MEF2A: variants seen among roughly 807,000 people sequenced by gnomAD.
MEF2A encodes myocyte-specific enhancer factor 2A.
MEF2A carries 28 observed loss-of-function variants against 55.8 expected under a neutral mutation model. The ratio of observed to expected loss-of-function variants is 0.50; its 90% CI spans 0.37 to 0.69. MEF2A has a LOEUF of 0.69. Among genes scored for constraint, MEF2A ranks in the 30% least tolerant of loss-of-function variants. MEF2A has a pLI of 0.00. For synonymous variants in MEF2A, 239 were observed against 227.1 expected (o/e 1.05, Z -0.47); for missense variants, 528 against 626.2 (o/e 0.84, Z 1.67).
intron 1 of MEF2A, among the ~76,000 whole-genome samples, chr15:99,590,321 C>T (rs772346405): frequency 6.7e-6 from 1 of 149,052 alleles, no homozygotes. Flanking sequence ...TATGATATAT[C>T]CTTTTCTATT....
In MEF2A at chr15:99,712,356, A is replaced by G; in HGVS notation, c.1137-34A>G. On this transcript the variant is annotated intron_variant, in intron 11 of 11. Transcript: ENST00000557942. This position sits in a 1 kb window ranked among gnomAD's most constrained non-coding sequence, Gnocchi z 4.1. The stretch of plus-strand genomic sequence containing the variant: ...ATCCCAGTTTTGCAGAGGTACTTGC[A>G]AGCCATCTGACCTCTCTCTTTTTTT... 1 of 1,492,998 alleles carries G rather than the reference A, an allele frequency of 6.7e-7. No individual in the cohort carries two copies. The highest frequency in any genetic ancestry group is 9.0e-7 in the Non-Finnish European group (1 of 1,115,322). 92.5% of individuals were successfully genotyped at this position (1,492,998 alleles called of 1,614,324 possible).
chr15:99,664,592 G>C (rs2049254536), intron 4 of MEF2A, among the ~76,000 whole-genome samples: 1 of 152,210 alleles, frequency 6.6e-6, no homozygotes, highest in Admixed American at 6.5e-5. Context: ...CTAGACATAA[G>C]ATAGTGCAGG....
At chr15:99,611,499 G>A (rs1054727101) in intron 2 of MEF2A, among the ~76,000 whole-genome samples, 2 of 152,116 alleles carry the variant, frequency 1.3e-5, no homozygotes, top group African/African-American at 4.8e-5. Flanking sequence ...CACCATGATG[G>A]CATAATAAAA....
chr15:99,665,843 T>G (rs1276744112), intron 4 of MEF2A, among the ~76,000 whole-genome samples: 5 of 145,098 alleles, frequency 3.4e-5, no homozygotes, highest in African/African-American at 2.5e-5. Flanking sequence ...AAAAAGCTCA[T>G]CATCACTGGT....
intron 4 of MEF2A, among the ~76,000 whole-genome samples, chr15:99,655,196 A>G (rs2153537247): frequency 6.6e-6 from 1 of 152,298 alleles, no homozygotes; most frequent in Admixed American, 6.5e-5. Flanking sequence ...CAGAATAGAG[A>G]GCTCAGAAAT....
At chr15:99,598,305 T>G (rs1457779257) in intron 1 of MEF2A, 125 bp from the exon 2 acceptor site, 1 of 152,230 alleles carries the variant, frequency 6.6e-6, no homozygotes, top group Non-Finnish European at 1.5e-5. Context: ...TAATTTTCAT[T>G]TAACAGTATT....
chr15:99,591,712 T>C (rs1255854672), intron 1 of MEF2A, among the ~76,000 whole-genome samples: 1 of 152,088 alleles, frequency 6.6e-6, no homozygotes, highest in African/African-American at 2.4e-5. Context: ...TTTTGCTCTT[T>C]TTGATGTTTT....
intron 7 of MEF2A, among the ~76,000 whole-genome samples, chr15:99,682,763 G>C (rs1416080651): frequency 6.6e-6 from 1 of 152,134 alleles, no homozygotes; most frequent in African/African-American, 2.4e-5. Context: ...TCTATCTAAA[G>C]CACCATAGAC....
chr15:99,572,251 C>T (rs149866025), intron 1 of MEF2A, among the ~76,000 whole-genome samples: 16 of 152,272 alleles, frequency 1.1e-4, no homozygotes, highest in African/African-American at 3.9e-4. Context: ...ACCCTCTGCA[C>T]CCTTTTTTCT....
At chr15:99,638,412 G>C (rs1452625497) in intron 3 of MEF2A, among the ~76,000 whole-genome samples, 1 of 151,576 alleles carries the variant, frequency 6.6e-6, no homozygotes, top group Non-Finnish European at 1.5e-5. Flanking sequence ...TCCTTCTCTG[G>C]GATTCTAGTT....
At chr15:99,678,737 C>T in intron 7 of MEF2A, 4 of 923,116 alleles carry the variant, frequency 4.3e-6, no homozygotes, top group Non-Finnish European at 5.2e-6. Flanking sequence ...AAATAAGAAA[C>T]CAAAGAAAGT....
At chr15:99,658,138 A>G (rs1450497537) in intron 4 of MEF2A, among the ~76,000 whole-genome samples, 1 of 152,172 alleles carries the variant, frequency 6.6e-6, no homozygotes, top group Non-Finnish European at 1.5e-5. Context: ...TTCAGATGAC[A>G]TTGTTATTAT....
At chr15:99,630,371 A>G (rs527812231) in intron 2 of MEF2A, among the ~76,000 whole-genome samples, 1 of 152,208 alleles carries the variant, frequency 6.6e-6, no homozygotes, top group South Asian at 2.1e-4. Context: ...CTAAAGTATT[A>G]TTAAAACCAT....
At chr15:99,695,933 G>T (rs984840046) in intron 8 of MEF2A, among the ~76,000 whole-genome samples, 3 of 151,550 alleles carry the variant, frequency 2.0e-5, no homozygotes, top group African/African-American at 7.3e-5. Context: ...AAAGAAGGGA[G>T]AAAATTTACC....
chr15:99,648,797 A>T (rs1295282958), intron 4 of MEF2A, among the ~76,000 whole-genome samples: 1 of 152,124 alleles, frequency 6.6e-6, no homozygotes, highest in Non-Finnish European at 1.5e-5. Context: ...CCCTTTGAGG[A>T]TGTGCTGTGA....
At chr15:99,685,677 G>A (rs768895258) in intron 7 of MEF2A, among the ~76,000 whole-genome samples, 3 of 152,070 alleles carry the variant, frequency 2.0e-5, no homozygotes, top group Non-Finnish European at 4.4e-5. Context: ...CTTGATCATG[G>A]TGTATTATCT....
intron 1 of MEF2A, among the ~76,000 whole-genome samples, chr15:99,571,758 G>T (rs1391174232): frequency 6.6e-6 from 1 of 151,862 alleles, no homozygotes; most frequent in Middle Eastern, 3.2e-3. Context: ...AAACCCTGGT[G>T]TCTCTGCTGG....
intron 3 of MEF2A, among the ~76,000 whole-genome samples, chr15:99,633,808 A>G (rs76994642): frequency 0.021 from 3,187 of 152,146 alleles, 51 homozygotes; most frequent in Non-Finnish European, 0.034. Context: ...TTAACAAACT[A>G]TGGTCCATGG....
rs2058894858 is a variant in MEF2A at position 99,713,811 on chromosome 15, T to C, written c.*1040T>C. On this transcript the variant is annotated 3_prime_UTR_variant, in exon 12 of 12. Coordinates refer to ENST00000557942, the MANE Select transcript of MEF2A (RefSeq NM_001319206.4). ...GGAAAAAAAAAGCCATGAACACTTA[T>C]TCTAAATGTAAATTAAAAGTTGAGC... 6.6e-6 allele frequency: 1 copy of C among 152,202 alleles called. No individual in the cohort carries two copies. The highest frequency in any genetic ancestry group is 1.5e-5 in the Non-Finnish European group (1 of 68,022). The allele number at this position is 152,202 out of a possible 1,614,324, so 9.4% of individuals were successfully genotyped here. A position where few individuals can be genotyped will look rare whatever the true frequency, so the allele number is the denominator to read the frequency against.
Sources: allele counts gnomAD v4.1 joint callset (sites outside exome capture counted in the v4.1 genomes callset), GRCh38; gene constraint gnomAD v4.1.1; non-coding constraint Gnocchi (gnomAD v3.1); transcripts MANE v1.5; gene names NCBI Gene and HGNC (gene_info 2026-07-23, HGNC 2026-07-21).